FRMPD4: variants seen among roughly 807,000 people sequenced by gnomAD.
FRMPD4 encodes FERM and PDZ domain containing 4, also known as FERM and PDZ domain-containing protein 4.
FRMPD4 carries 22 observed loss-of-function variants against 94.1 expected under a neutral mutation model. The ratio of observed to expected loss-of-function variants is 0.23; its 90% CI spans 0.17 to 0.33. The LOEUF is 0.33. Among genes scored for constraint, FRMPD4 ranks in the 10% least tolerant of loss-of-function variants. The pLI is 1.00. For missense variants in FRMPD4, 1,111 were observed against 1,339.9 expected, an observed-to-expected ratio of 0.83 and a Z score of 2.67; for synonymous variants, 631 against 548.6, an observed-to-expected ratio of 1.15 and a Z score of -2.10.
intron 3 of FRMPD4, among the ~76,000 whole-genome samples, chrX:12,048,199 G>A (rs1389351916): frequency 4.5e-5 from 5 of 112,141 alleles, no homozygotes; most frequent in African/African-American, 6.5e-5. Flanking sequence ...TGTTCTGGCC[G>A]GTATGATATA....
In FRMPD4 at chrX:11,900,301, A is replaced by G. The variant is rs769243084; in HGVS notation, c.95+22283A>G. Among the ~76,000 whole-genome samples the G allele has an allele frequency of 3.6e-5, 4 of 111,165 alleles. No individual in the cohort carries two copies. In the South Asian group the frequency reaches 1.5e-3, roughly 43 times the overall value. On this transcript the variant is annotated intron_variant, in intron 3 of 18. Coordinates refer to the FRMPD4 transcript ENST00000640291. ...CACAGAAGGGCATTGGTTTAGGGGA[A>G]GAAGACGGAGACAAAATGGGAAGCG...
At chrX:12,539,680 C>A (rs1474608210) in intron 2 of FRMPD4, among the ~76,000 whole-genome samples, 1 of 109,831 alleles carries the variant, frequency 9.1e-6, no homozygotes, top group Non-Finnish European at 1.9e-5. Context: ...GTTGCCCAGG[C>A]TGGAGTGCAA....
chrX:12,433,662 C>T (rs772549739), intron 1 of FRMPD4, among the ~76,000 whole-genome samples: 1 of 112,090 alleles, frequency 8.9e-6, no homozygotes, highest in East Asian at 2.8e-4. Flanking sequence ...CTTCCTGCCC[C>T]CAGATAACTT....
intron 1 of FRMPD4, among the ~76,000 whole-genome samples, chrX:12,196,034 G>C (rs1216933941): frequency 8.9e-6 from 1 of 111,918 alleles, no homozygotes; most frequent in Non-Finnish European, 1.9e-5. Flanking sequence ...ATATTTGTTA[G>C]ATTATAATTT....
intron 1 of FRMPD4, among the ~76,000 whole-genome samples, chrX:12,390,089 G>A (rs1291043074): frequency 1.8e-5 from 2 of 111,978 alleles, no homozygotes; most frequent in African/African-American, 6.5e-5. Context: ...TTCTAATGCA[G>A]TTAACATGAA....
intron 14 of FRMPD4, among the ~76,000 whole-genome samples, chrX:12,711,351 C>T (rs944213640): frequency 3.6e-5 from 4 of 111,697 alleles, no homozygotes; most frequent in Non-Finnish European, 7.5e-5. Flanking sequence ...GACTTGGGAA[C>T]ACTAGAAGAA....
chrX:12,583,808 G>A (rs967825239), intron 2 of FRMPD4, among the ~76,000 whole-genome samples: 4 of 112,459 alleles, frequency 3.6e-5, no homozygotes, highest in African/African-American at 1.3e-4. Context: ...AATCTCCTGG[G>A]CTTGGGAATG....
At chrX:12,063,517 A>G (rs1259328258) in intron 3 of FRMPD4, among the ~76,000 whole-genome samples, 1 of 113,137 alleles carries the variant, frequency 8.8e-6, no homozygotes, top group Non-Finnish European at 1.9e-5. Context: ...AGAGTAATGC[A>G]ATTAAATCCA....
At chrX:11,880,644 T>A (rs1437637885) in intron 3 of FRMPD4, among the ~76,000 whole-genome samples, 1 of 111,366 alleles carries the variant, frequency 9.0e-6, no homozygotes, top group Non-Finnish European at 1.9e-5. Flanking sequence ...TCACTTATTT[T>A]TATTTATTTA....
Position 12,706,878 on chromosome X carries a change from G to A in FRMPD4, c.1250G>A (p.Arg417Gln). Residue 417 changes from arginine to glutamine, a missense_variant, in exon 12 of 17, where the codon CGA becomes CAA. Coordinates refer to ENST00000675598, the MANE Select transcript of FRMPD4 (RefSeq NM_001368397.1). ...TATCTCAAGTTCCTCAGTGACCTAC[G>A]ATTGTATGGGGGCCGTGTGTTCAAG... ...VHYLKFLSDL[R>Q]LYGGRVFKAT... The A allele has an allele frequency of 8.7e-7, 1 of 1,150,037 alleles. No individual in the cohort carries two copies. Among genetic ancestry groups the A allele is most frequent in the Non-Finnish European group, 1.2e-6 (1 of 844,767 alleles). The allele number at this position is 1,150,037 out of a possible 1,213,427, so 94.8% of individuals were successfully genotyped here. A position where few individuals can be genotyped will look rare whatever the true frequency, so the allele number is the denominator to read the frequency against.
intron 3 of FRMPD4, among the ~76,000 whole-genome samples, chrX:11,924,076 G>C (rs2054072823): frequency 8.9e-6 from 1 of 112,331 alleles, no homozygotes; most frequent in Non-Finnish European, 1.9e-5. Flanking sequence ...AGCCAGTATA[G>C]AGGAGAATGT....
At chrX:12,224,151 G>A (rs1440803181) in intron 1 of FRMPD4, among the ~76,000 whole-genome samples, 1 of 111,435 alleles carries the variant, frequency 9.0e-6, no homozygotes, top group Admixed American at 9.6e-5. Context: ...GAGAACCAAT[G>A]ATGTAACAAA....
At chrX:12,224,456 C>A (rs1444196812) in intron 1 of FRMPD4, among the ~76,000 whole-genome samples, 1 of 110,303 alleles carries the variant, frequency 9.1e-6, no homozygotes, top group African/African-American at 3.3e-5. Context: ...TGCCATGTTG[C>A]CCAGCCTGGA....
At chrX:12,638,585 T>C (rs1200806421) in intron 4 of FRMPD4, among the ~76,000 whole-genome samples, 1 of 111,095 alleles carries the variant, frequency 9.0e-6, no homozygotes, top group Non-Finnish European at 1.9e-5. Context: ...TCAATGCCTT[T>C]GTATAATAGC....
chrX:12,002,454 C>A (rs773069551), intron 3 of FRMPD4, among the ~76,000 whole-genome samples: 1 of 111,896 alleles, frequency 8.9e-6, no homozygotes, highest in Non-Finnish European at 1.9e-5. Context: ...AAGTATGTAA[C>A]AAAAAAGCCA....
intron 3 of FRMPD4, among the ~76,000 whole-genome samples, chrX:11,961,419 A>C (rs1419271712): frequency 8.9e-6 from 1 of 112,153 alleles, no homozygotes; most frequent in Non-Finnish European, 1.9e-5. Flanking sequence ...ATATCATGGG[A>C]ATTTTCATCT....
intron 2 of FRMPD4, among the ~76,000 whole-genome samples, chrX:12,544,902 C>T (rs1256961559): frequency 1.8e-5 from 2 of 111,972 alleles, no homozygotes; most frequent in Admixed American, 1.9e-4. Flanking sequence ...ACTGCAAACC[C>T]CACGTAAGTT....
chrX:11,846,686 T>C (rs1470040931), intron 1 of FRMPD4, among the ~76,000 whole-genome samples: 1 of 107,695 alleles, frequency 9.3e-6, no homozygotes, highest in Non-Finnish European at 1.9e-5. Context: ...AACAGAGATA[T>C]AGATCAATGG....
At chrX:12,165,238 G>A (rs746314276) in intron 1 of FRMPD4, among the ~76,000 whole-genome samples, 126 of 112,394 alleles carry the variant, frequency 1.1e-3, no homozygotes, top group South Asian at 0.011. Context: ...AAGGTGTAAG[G>A]AAGGGATCCA....
Sources: allele counts gnomAD v4.1 joint callset (sites outside exome capture counted in the v4.1 genomes callset), GRCh38; gene constraint gnomAD v4.1.1; transcripts MANE v1.5; gene names NCBI Gene and HGNC (gene_info 2026-07-23, HGNC 2026-07-21).